The following PDE8B variants were observed in gnomAD, a reference collection of about 807,000 sequenced individuals.
The protein encoded by PDE8B is phosphodiesterase 8B.
In PDE8B, 26 loss-of-function variants were observed where a neutral mutation model predicts 101.3. The observed-to-expected ratio is 0.26, with a 90% CI of 0.19 to 0.36. PDE8B has a LOEUF of 0.36. Among genes scored for constraint, PDE8B ranks in the 10% least tolerant of loss-of-function variants. PDE8B has a pLI of 1.00. For missense variants in PDE8B, 810 were observed against 1,163.1 expected, an observed-to-expected ratio of 0.70 and a Z score of 4.42; for synonymous variants, 424 against 429.3, an observed-to-expected ratio of 0.99 and a Z score of 0.15.
the PDE8B span, chr5:77,087,701 T>G: frequency 6.6e-6 from 1 of 152,370 alleles, no homozygotes. Context: ...GCTTTGGCAG[T>G]ACTCCACCAG....
At chr5:77,335,215 G>A (rs1178615020) in intron 5 of PDE8B, among the ~76,000 whole-genome samples, 2 of 152,008 alleles carry the variant, frequency 1.3e-5, no homozygotes, top group African/African-American at 4.8e-5. Context: ...TGTTATTCCA[G>A]CATTTTCAAA....
the PDE8B span, among the ~76,000 whole-genome samples, chr5:77,108,458 C>A: frequency 3.3e-5 from 5 of 152,126 alleles, no homozygotes; most frequent in Admixed American, 3.3e-4. Flanking sequence ...CCGAAGCAGG[C>A]AGATCACTTA....
At chr5:77,421,780 G>T (rs373978977) in intron 19 of PDE8B, 41 bp from the exon 20 acceptor site, 2 of 1,603,974 alleles carry the variant, frequency 1.2e-6, no homozygotes, top group South Asian at 2.2e-5. Flanking sequence ...GGGCTTCACC[G>T]TCATCTTGAA....
chr5:77,416,127 C>T (rs1036202126), intron 17 of PDE8B, among the ~76,000 whole-genome samples: 2 of 152,184 alleles, frequency 1.3e-5, no homozygotes, highest in Non-Finnish European at 2.9e-5. Context: ...TCTGACAAGG[C>T]CTTGTTGGTG....
At chr5:77,372,182 AGAGT>A (rs1471667732) in intron 10 of PDE8B, among the ~76,000 whole-genome samples, 1 of 150,800 alleles carries the variant, frequency 6.6e-6, no homozygotes, top group Non-Finnish European at 1.5e-5. Context: ...CCTGGGTGAT[AGAGT>A]GAGATTCTGT....
chr5:77,298,713 G>T (rs1215542494), intron 1 of PDE8B, among the ~76,000 whole-genome samples: 1 of 152,174 alleles, frequency 6.6e-6, no homozygotes, highest in Non-Finnish European at 1.5e-5. Context: ...GGATCCCCGG[G>T]AATCCTTATG....
intron 1 of PDE8B, among the ~76,000 whole-genome samples, chr5:77,259,846 T>G (rs1339011927): frequency 6.6e-6 from 1 of 151,972 alleles, no homozygotes; most frequent in Non-Finnish European, 1.5e-5. Flanking sequence ...CTGTTTCCTG[T>G]GGAAAAAAGT....
the PDE8B span, among the ~76,000 whole-genome samples, chr5:77,182,481 T>A: frequency 6.6e-6 from 1 of 152,062 alleles, no homozygotes; most frequent in Non-Finnish European, 1.5e-5. Context: ...TCTGTGCATT[T>A]GAAAGATTCC....
the PDE8B span, among the ~76,000 whole-genome samples, chr5:77,193,318 C>G: frequency 6.6e-6 from 1 of 152,142 alleles, no homozygotes; most frequent in African/African-American, 2.4e-5. Flanking sequence ...CGATCCATTT[C>G]AAGTTAATAT....
At chr5:77,132,839 C>G in the PDE8B span, among the ~76,000 whole-genome samples, 2 of 152,208 alleles carry the variant, frequency 1.3e-5, no homozygotes, top group African/African-American at 4.8e-5. Flanking sequence ...AACTGAGACT[C>G]TACATGTGCA....
the PDE8B span, among the ~76,000 whole-genome samples, chr5:77,167,434 A>C: frequency 1.3e-5 from 2 of 152,238 alleles, no homozygotes; most frequent in Admixed American, 1.3e-4. Context: ...GCATTACAAA[A>C]TTATTTACCA....
intron 2 of PDE8B, among the ~76,000 whole-genome samples, chr5:77,319,256 A>G (rs1289622421): frequency 6.6e-6 from 1 of 152,256 alleles, no homozygotes; most frequent in African/African-American, 2.4e-5. Flanking sequence ...TAAACTTTGC[A>G]GCTGGCTCTT....
chr5:77,143,996 T>C, the PDE8B span: 1 of 152,080 alleles, frequency 6.6e-6, no homozygotes, highest in Admixed American at 6.5e-5. Context: ...AAATGTTTCC[T>C]GGCTACATGG....
chr5:77,197,611 C>A, the PDE8B span, among the ~76,000 whole-genome samples: 1 of 151,688 alleles, frequency 6.6e-6, no homozygotes, highest in Admixed American at 6.6e-5. Flanking sequence ...GCTTTTATCC[C>A]CTTTATCATT....
chr5:77,325,674 A>G lies in PDE8B; in HGVS notation c.535A>G (p.Ile179Val). ...ATGCTTTCTTGATAAGCATCATGAA[A>G]TTATTGTAATTGATCATAGACAAAC... ...LECFLDKHHE[I>V]IVIDHRQTQN... The change falls in exon 3 of 22, where the codon ATT becomes GTT. Residue 179 changes from isoleucine to valine, a missense_variant. Coordinates refer to ENST00000264917, the MANE Select transcript of PDE8B (RefSeq NM_003719.5). 1 of 1,613,916 alleles carries G rather than the reference A, an allele frequency of 6.2e-7. No individual in the cohort carries two copies. Among genetic ancestry groups the G allele is most frequent in the Non-Finnish European group, 8.5e-7 (1 of 1,179,758 alleles).
At chr5:77,278,568 C>A (rs1764294678) in intron 1 of PDE8B, among the ~76,000 whole-genome samples, 1 of 152,132 alleles carries the variant, frequency 6.6e-6, no homozygotes, top group African/African-American at 2.4e-5. Context: ...CTCCCGGGTT[C>A]ATGCCATTCT....
chr5:77,246,355 G>T (rs533903876), intron 1 of PDE8B, among the ~76,000 whole-genome samples: 2 of 152,154 alleles, frequency 1.3e-5, no homozygotes, highest in Middle Eastern at 3.2e-3. Flanking sequence ...GGACTCCTCC[G>T]CCATCTGAGG....
At chr5:77,130,421 A>G in the PDE8B span, among the ~76,000 whole-genome samples, 1 of 152,062 alleles carries the variant, frequency 6.6e-6, no homozygotes, top group Non-Finnish European at 1.5e-5. Context: ...TCTCAGGAAT[A>G]TACTTCGGGG....
chr5:77,247,013 A>G (rs775477366), intron 1 of PDE8B, among the ~76,000 whole-genome samples: 2 of 152,244 alleles, frequency 1.3e-5, no homozygotes, highest in African/African-American at 4.8e-5. Context: ...TAAGGATTAT[A>G]TTTATATGCT....
Sources: allele counts gnomAD v4.1 joint callset (sites outside exome capture counted in the v4.1 genomes callset), GRCh38; gene constraint gnomAD v4.1.1; transcripts MANE v1.5; gene names NCBI Gene and HGNC (gene_info 2026-07-23, HGNC 2026-07-21).